ADD3: variants seen among roughly 807,000 people sequenced by gnomAD.
The protein encoded by ADD3 is adducin 3, also known as gamma-adducin.
In ADD3, 25 loss-of-function variants were observed where a neutral mutation model predicts 80.2. The observed-to-expected ratio is 0.31, with a 90% CI of 0.23 to 0.44. The LOEUF is 0.44. Ranked by LOEUF, ADD3 falls within the 20% of genes least tolerant of loss-of-function variation. ADD3 has a pLI of 1.00. For synonymous variants in ADD3, 284 were observed against 289.6 expected (o/e 0.98, Z 0.20); for missense variants, 829 against 847.5 (o/e 0.98, Z 0.27).
intron 1 of ADD3, among the ~76,000 whole-genome samples, chr10:110,000,356 T>G (rs951708938): frequency 2.0e-5 from 3 of 152,252 alleles, no homozygotes; most frequent in Non-Finnish European, 2.9e-5. Flanking sequence ...TGTCAGAATA[T>G]AAGCTGGTCT....
intron 1 of ADD3, among the ~76,000 whole-genome samples, chr10:110,079,455 A>AGTGT (rs1319040873): frequency 2.6e-4 from 33 of 125,566 alleles, no homozygotes; most frequent in South Asian, 2.2e-3. Flanking sequence ...AGAGAGAGAG[A>AGTGT]GAGAGAGTGT....
chr10:110,073,317 T>C (rs1845003328), intron 1 of ADD3, among the ~76,000 whole-genome samples: 1 of 151,926 alleles, frequency 6.6e-6, no homozygotes, highest in Non-Finnish European at 1.5e-5. Flanking sequence ...TAATTTTTTG[T>C]ATTTTTAATA....
At chr10:110,059,027 A>C (rs565573109) in intron 1 of ADD3, among the ~76,000 whole-genome samples, 1 of 152,240 alleles carries the variant, frequency 6.6e-6, no homozygotes, top group Non-Finnish European at 1.5e-5. Flanking sequence ...TCCATTGTGA[A>C]GTGCTCTCTT....
intron 1 of ADD3, among the ~76,000 whole-genome samples, chr10:110,024,785 C>T (rs1419063804): frequency 1.3e-5 from 2 of 152,040 alleles, no homozygotes; most frequent in African/African-American, 4.8e-5. Flanking sequence ...CTATTTGAAT[C>T]AAATTTTTAT....
intron 1 of ADD3, among the ~76,000 whole-genome samples, chr10:110,063,138 T>G (rs1843407414): frequency 6.6e-6 from 1 of 152,184 alleles, no homozygotes; most frequent in Non-Finnish European, 1.5e-5. Flanking sequence ...TTTTAAGTGT[T>G]TTGTGAATGT....
intron 1 of ADD3, among the ~76,000 whole-genome samples, chr10:109,998,422 C>G (rs756900148): frequency 6.6e-6 from 1 of 152,184 alleles, no homozygotes; most frequent in Non-Finnish European, 1.5e-5. Context: ...ACAACAAGAC[C>G]CCATTTCCTC....
intron 1 of ADD3, among the ~76,000 whole-genome samples, chr10:110,032,827 GTTAA>G (rs1855205387): frequency 1.3e-5 from 2 of 152,112 alleles, no homozygotes; most frequent in Admixed American, 1.3e-4. Context: ...TTTTTATACT[GTTAA>G]TTATTTCTCT....
rs147869528 is a variant in ADD3 at position 110,124,305 on chromosome 10, A to G, written c.1401+31A>G. On this transcript the variant is annotated intron_variant, in intron 10 of 14. Coordinates refer to ENST00000356080, the MANE Select transcript of ADD3 (RefSeq NM_016824.5). Reference sequence around the variant, plus strand: ...CCAGTATTTTATGTAGTTTGCCTTTACTAAATATTTTGCCTAGTTACTCAA... The same window carrying G: ...CCAGTATTTTATGTAGTTTGCCTTTGCTAAATATTTTGCCTAGTTACTCAA... 49 of 1,599,358 alleles carry G rather than the reference A, an allele frequency of 3.1e-5. 1 individual carries two copies. In the African/African-American group the frequency reaches 5.1e-4, roughly 17 times the overall value.
chr10:110,035,378 A>C (rs1305823864), intron 1 of ADD3, among the ~76,000 whole-genome samples: 4 of 152,192 alleles, frequency 2.6e-5, no homozygotes, highest in Non-Finnish European at 4.4e-5. Flanking sequence ...TAAAGGGAAT[A>C]AACTCACTAG....
intron 1 of ADD3, among the ~76,000 whole-genome samples, chr10:110,023,397 T>C (rs1853915526): frequency 6.6e-6 from 1 of 152,202 alleles, no homozygotes; most frequent in South Asian, 2.1e-4. Context: ...GAAATAAATG[T>C]TTGTTGCTAT....
intron 1 of ADD3, among the ~76,000 whole-genome samples, chr10:110,099,177 C>A (rs1848520638): frequency 6.6e-6 from 1 of 151,176 alleles, no homozygotes; most frequent in African/African-American, 2.4e-5. Flanking sequence ...GATCCTCCCA[C>A]CTCAATCTCC....
upstream of ADD3, among the ~76,000 whole-genome samples, chr10:110,006,305 T>C (rs76264906): frequency 1.9e-4 from 29 of 152,350 alleles, no homozygotes; most frequent in East Asian, 5.6e-3. Flanking sequence ...TAGCAAAATA[T>C]AGTGAGGACT....
At chr10:110,021,322 G>A (rs1245559709) in intron 1 of ADD3, among the ~76,000 whole-genome samples, 1 of 152,110 alleles carries the variant, frequency 6.6e-6, no homozygotes, top group Non-Finnish European at 1.5e-5. Context: ...GAGTTAACGT[G>A]GTTAAAAATG....
At chr10:110,126,688 T>C (rs1330655145) in intron 12 of ADD3, among the ~76,000 whole-genome samples, 185 bp downstream of exon 12, 2 of 152,210 alleles carry the variant, frequency 1.3e-5, no homozygotes, top group Non-Finnish European at 2.9e-5. Flanking sequence ...GTTCTTTTCA[T>C]TGCTTCTAAT....
intron 1 of ADD3, among the ~76,000 whole-genome samples, chr10:110,082,825 G>C (rs1164057598): frequency 6.6e-6 from 1 of 151,784 alleles, no homozygotes; most frequent in Non-Finnish European, 1.5e-5. Context: ...CACTTTTTTT[G>C]TGTAATTACT....
At chr10:110,044,526 C>G (rs1856718070) in intron 1 of ADD3, among the ~76,000 whole-genome samples, 1 of 152,200 alleles carries the variant, frequency 6.6e-6, no homozygotes. Context: ...TAGGTGCTGC[C>G]TTCTGTACAT....
intron 1 of ADD3, among the ~76,000 whole-genome samples, chr10:110,067,469 A>G (rs1042818233): frequency 1.3e-5 from 2 of 152,172 alleles, no homozygotes; most frequent in African/African-American, 4.8e-5. Flanking sequence ...ATTATATTGG[A>G]CCAGCAGGAA....
In ADD3 at chr10:110,065,539, CTTTT is replaced by C. The variant is rs1217733559; in HGVS notation, c.-29-35071_-29-35068del. Among the ~76,000 whole-genome samples the C allele has an allele frequency of 1.3e-4, 4 of 31,186 alleles. 1 individual carries two copies. Among genetic ancestry groups the C allele is most frequent in the South Asian group, 2.3e-3 (2 of 856 alleles). The allele number at this position is 31,186 out of a possible 152,430, so 20.5% of individuals were successfully genotyped here. A position where few individuals can be genotyped will look rare whatever the true frequency, so the allele number is the denominator to read the frequency against. On this transcript the variant is annotated intron_variant, in intron 1 of 14. Transcript: ENST00000356080. ...TTTTTTCTTAGCCTCTCTCTCTCCCCTTTTTTTTTTTTTTTTTTGAGAAAGAATC... is the reference window on the plus strand; with the variant it reads ...TTTTTTCTTAGCCTCTCTCTCTCCCCTTTTTTTTTTTTTTGAGAAAGAATC...
chr10:110,065,539 C>CTTTTTTTTTT (rs1217733559), intron 1 of ADD3, among the ~76,000 whole-genome samples: 439 of 31,174 alleles, frequency 0.014, 147 homozygotes, highest in East Asian at 0.13. Context: ...TCTCTCTCCC[C>CTTTTTTTTTT]TTTTTTTTTT....
Sources: gnomAD v4.1 joint callset for allele counts (sites outside exome capture counted in the v4.1 genomes callset) on GRCh38, gnomAD v4.1.1 for gene constraint, MANE v1.5 for transcripts, NCBI Gene and HGNC (gene_info 2026-07-23, HGNC 2026-07-21) for gene names.